The following IL16 variants were observed in gnomAD, a reference collection of about 807,000 sequenced individuals.
IL16 encodes interleukin 16.
A neutral mutation model predicts 110.1 loss-of-function variants in IL16; 67 were observed. The observed-to-expected ratio is 0.61, with a 90% CI of 0.50 to 0.75. The LOEUF is 0.75. Ranked by LOEUF, IL16 falls within the 30% of genes least tolerant of loss-of-function variation. IL16 has a pLI of 0.00. For synonymous variants in IL16, 689 were observed against 662.9 expected, an observed-to-expected ratio of 1.04 and a Z score of -0.61; for missense variants, 1,545 against 1,655.0, an observed-to-expected ratio of 0.93 and a Z score of 1.15.
At chr15:81,183,026 T>TGTGTGTGTGCACACGTGTGA (rs1048418860) in intron 1 of IL16, 5,651 of 474,144 alleles carry the variant, frequency 0.012, 364 homozygotes, top group African/African-American at 0.11. Flanking sequence ...TATGAGTGAG[T>TGTGTGTGTGCACACGTGTGA]GTGTGTGTGC....
At chr15:81,278,271 C>T (rs1899005287) in intron 6 of IL16, among the ~76,000 whole-genome samples, 1 of 152,054 alleles carries the variant, frequency 6.6e-6, no homozygotes, top group South Asian at 2.1e-4. Context: ...CAGGGAGTGA[C>T]TGAGGGTGCA....
At chr15:81,259,358 T>C (rs1003768382) in intron 2 of IL16, among the ~76,000 whole-genome samples, 3 of 152,238 alleles carry the variant, frequency 2.0e-5, no homozygotes, top group African/African-American at 4.8e-5. Flanking sequence ...AGAGCACTTA[T>C]CATTCTCTGT....
intron 10 of IL16, among the ~76,000 whole-genome samples, chr15:81,286,660 G>A (rs1489476043): frequency 1.3e-5 from 2 of 152,198 alleles, no homozygotes; most frequent in African/African-American, 4.8e-5. Context: ...GTAGAAGACA[G>A]GATAGAGTGG....
At chr15:81,192,281 G>T (rs924635391), upstream of IL16, among the ~76,000 whole-genome samples, 2 of 152,122 alleles carry the variant, frequency 1.3e-5, no homozygotes, top group African/African-American at 4.8e-5. Flanking sequence ...AGCTAAAACT[G>T]CTCAGAACAA....
At chr15:81,192,307 T>C (rs1263700835), upstream of IL16, among the ~76,000 whole-genome samples, 1 of 152,132 alleles carries the variant, frequency 6.6e-6, no homozygotes, top group Admixed American at 6.5e-5. Context: ...TTTATTAAAT[T>C]TTTAAAAAAG....
At chr15:81,204,747 A>AT (rs150752466) in intron 1 of IL16, among the ~76,000 whole-genome samples, 12,601 of 131,098 alleles carry the variant, frequency 0.096, 543 homozygotes, top group Admixed American at 0.1. Flanking sequence ...TAATAACAAA[A>AT]TTAAAAAAAA....
chr15:81,243,204 C>G (rs1256475834), intron 2 of IL16, among the ~76,000 whole-genome samples: 3 of 64,170 alleles, frequency 4.7e-5, no homozygotes, highest in African/African-American at 1.6e-4. Flanking sequence ...GAGGCAAGGT[C>G]TTGCTCTGTC....
intron 1 of IL16, among the ~76,000 whole-genome samples, chr15:81,199,084 A>G (rs1895718685): frequency 6.8e-6 from 1 of 146,972 alleles, no homozygotes; most frequent in South Asian, 2.1e-4. Context: ...TTTATTGTGC[A>G]TTTGAATTGG....
chr15:81,189,604 T>A (rs35254208), intron 1 of IL16, among the ~76,000 whole-genome samples: 20,767 of 151,924 alleles, frequency 0.14, 1,892 homozygotes, highest in Middle Eastern at 0.24. Flanking sequence ...AATGTGTGAG[T>A]TGGGAGGGGG....
At chr15:81,284,147 C>G (rs1308313392) in intron 9 of IL16, among the ~76,000 whole-genome samples, 1 of 151,860 alleles carries the variant, frequency 6.6e-6, no homozygotes, top group Non-Finnish European at 1.5e-5. Context: ...TAATTTCTTT[C>G]AATAACTGAT....
chr15:81,228,290 T>C (rs574265180), intron 2 of IL16, among the ~76,000 whole-genome samples: 1 of 151,780 alleles, frequency 6.6e-6, no homozygotes, highest in African/African-American at 2.4e-5. Flanking sequence ...AACTTCACCT[T>C]TTCATCTCTT....
chr15:81,279,532 GTTGT>G (rs1899070898), intron 7 of IL16, 22 bp from the exon 8 acceptor site: 4 of 1,568,804 alleles, frequency 2.5e-6, no homozygotes, highest in Non-Finnish European at 3.5e-6. Context: ...GCTGCTGGGT[GTTGT>G]AGCCCTCTCT....
chr15:81,204,230 G>A (rs1409812629), intron 1 of IL16, among the ~76,000 whole-genome samples: 15 of 151,964 alleles, frequency 9.9e-5, no homozygotes, highest in South Asian at 2.1e-4. Context: ...GGGCTGAGAC[G>A]ATGGGGTTTT....
At chr15:81,213,320 T>C (rs1051844730) in intron 1 of IL16, among the ~76,000 whole-genome samples, 1 of 152,240 alleles carries the variant, frequency 6.6e-6, no homozygotes, top group Non-Finnish European at 1.5e-5. Context: ...ATGTGGTCTA[T>C]GTTAGAATAT....
intron 1 of IL16, among the ~76,000 whole-genome samples, chr15:81,208,891 T>C: frequency 6.6e-6 from 1 of 152,160 alleles, no homozygotes; most frequent in East Asian, 1.9e-4. Context: ...TGTGCCTCAG[T>C]TTTCTCACCT....
chr15:81,268,535 C>A (rs1898493154), intron 4 of IL16, among the ~76,000 whole-genome samples: 1 of 152,272 alleles, frequency 6.6e-6, no homozygotes, highest in South Asian at 2.1e-4. Flanking sequence ...ATGGGGACAG[C>A]ATGGGCCTGG....
At chr15:81,195,433 C>A (rs565099304), upstream of IL16, among the ~76,000 whole-genome samples, 2 of 152,336 alleles carry the variant, frequency 1.3e-5, no homozygotes, top group Admixed American at 6.5e-5. Context: ...GCAGGCGACA[C>A]TGACAGAGGC....
intron 3 of IL16, among the ~76,000 whole-genome samples, chr15:81,263,264 T>TATA (rs973891290): frequency 2.0e-5 from 3 of 152,202 alleles, no homozygotes; most frequent in African/African-American, 7.2e-5. Context: ...AACATAACTT[T>TATA]ATAAACTCAT....
At chr15:81,201,802 A>G (rs1895825135) in intron 1 of IL16, among the ~76,000 whole-genome samples, 1 of 152,168 alleles carries the variant, frequency 6.6e-6, no homozygotes, top group Admixed American at 6.5e-5. Context: ...TCTCTGATTT[A>G]TTCTAGCATC....
Sources: allele counts gnomAD v4.1 joint callset (sites outside exome capture counted in the v4.1 genomes callset), GRCh38; gene constraint gnomAD v4.1.1; transcripts MANE v1.5; gene names NCBI Gene and HGNC (gene_info 2026-07-23, HGNC 2026-07-21).